Variants in SPAG16 observed in about 807,000 individuals in gnomAD.
SPAG16 encodes sperm associated antigen 16.
Under a neutral mutation model 80.4 loss-of-function variants are expected in SPAG16, and 86 were observed. The ratio of observed to expected loss-of-function variants is 1.07; its 90% confidence interval spans 0.90 to 1.28. The LOEUF (loss-of-function observed/expected upper bound fraction) is 1.28, where lower values mean the gene tolerates loss of function less well. Ranked by LOEUF, SPAG16 falls within the 50% of genes most tolerant of loss-of-function variation. The pLI is 0.00. For synonymous variants in SPAG16, 294 were observed against 265.9 expected, an observed-to-expected ratio of 1.11 and a Z score of -1.03; for missense variants, 870 against 765.3, an observed-to-expected ratio of 1.14 and a Z score of -1.61.
chr2:213,607,757 T>C (rs1482754230), intron 10 of SPAG16, among the ~76,000 whole-genome samples: 1 of 152,224 alleles, frequency 6.6e-6, no homozygotes, highest in Non-Finnish European at 1.5e-5. Context: ...ATTGGGATTC[T>C]ATCTAGGAGG....
intron 15 of SPAG16, among the ~76,000 whole-genome samples, chr2:214,182,900 A>T (rs1438270180): frequency 1.3e-5 from 2 of 151,924 alleles, no homozygotes; most frequent in Non-Finnish European, 2.9e-5. Flanking sequence ...ATTTTATTTT[A>T]TTACTGTGGC....
intron 11 of SPAG16, among the ~76,000 whole-genome samples, chr2:213,904,915 T>G (rs576792978): frequency 6.6e-6 from 1 of 152,230 alleles, no homozygotes; most frequent in African/African-American, 2.4e-5. Context: ...GGTTTTTAGG[T>G]CTTACTGTGA....
chr2:213,576,203 T>G (rs987347436), intron 10 of SPAG16, among the ~76,000 whole-genome samples: 2 of 152,182 alleles, frequency 1.3e-5, no homozygotes, highest in Admixed American at 1.3e-4. Context: ...TGCTTGTTTT[T>G]GTCAGGTTTG....
At chr2:214,293,086 G>A (rs1329747910) in intron 15 of SPAG16, among the ~76,000 whole-genome samples, 1 of 152,210 alleles carries the variant, frequency 6.6e-6, no homozygotes, top group Non-Finnish European at 1.5e-5. Flanking sequence ...GTAGAGCAAT[G>A]TATGCTGGCT....
intron 11 of SPAG16, among the ~76,000 whole-genome samples, chr2:213,882,687 C>G (rs1417027682): frequency 1.3e-5 from 2 of 152,094 alleles, no homozygotes; most frequent in Non-Finnish European, 2.9e-5. Context: ...TTTGTATCTT[C>G]TCTTTTTTTG....
intron 14 of SPAG16, among the ~76,000 whole-genome samples, chr2:214,129,839 CT>C (rs2054674016): frequency 6.6e-6 from 1 of 152,046 alleles, no homozygotes; most frequent in Non-Finnish European, 1.5e-5. Context: ...GAATGCATGA[CT>C]TATAAGGCTT....
chr2:213,574,201 A>T (rs1253955978), intron 10 of SPAG16, among the ~76,000 whole-genome samples: 1 of 152,130 alleles, frequency 6.6e-6, no homozygotes, highest in African/African-American at 2.4e-5. Context: ...AAAACTGTCT[A>T]ATCTTGTTTA....
chr2:214,245,776 T>A (rs1225763725), intron 15 of SPAG16, among the ~76,000 whole-genome samples: 1 of 152,198 alleles, frequency 6.6e-6, no homozygotes, highest in Non-Finnish European at 1.5e-5. Context: ...CTGTCAATAT[T>A]GTATTACATT....
intron 13 of SPAG16, among the ~76,000 whole-genome samples, chr2:214,059,186 C>CTATATATATATATATA (rs36006046): frequency 4.0e-4 from 46 of 114,370 alleles, no homozygotes; most frequent in African/African-American, 7.7e-4. Flanking sequence ...CTCTCTCTGT[C>CTATATATATATATATA]TATATATATA....
intron 6 of SPAG16, among the ~76,000 whole-genome samples, chr2:213,349,981 A>G (rs2065235504): frequency 6.6e-6 from 1 of 152,198 alleles, no homozygotes; most frequent in Non-Finnish European, 1.5e-5. Flanking sequence ...AAAGATTTTG[A>G]GGTCATTTTC....
At chr2:214,004,588 A>G (rs1006606565) in intron 12 of SPAG16, among the ~76,000 whole-genome samples, 3 of 152,026 alleles carry the variant, frequency 2.0e-5, no homozygotes, top group Non-Finnish European at 2.9e-5. Flanking sequence ...GGTGTGGGCT[A>G]GAGTAGTCGA....
intron 9 of SPAG16, among the ~76,000 whole-genome samples, chr2:213,409,440 T>C (rs2068840791): frequency 6.6e-6 from 1 of 152,170 alleles, no homozygotes; most frequent in Non-Finnish European, 1.5e-5. Flanking sequence ...AAACGTTAAT[T>C]GTAAAGAAAA....
chr2:213,962,791 T>G (rs1347412710), intron 12 of SPAG16, among the ~76,000 whole-genome samples: 4 of 152,228 alleles, frequency 2.6e-5, no homozygotes, highest in South Asian at 2.1e-4. Flanking sequence ...TCAGAGGTCA[T>G]GTCTTCCTAG....
At chr2:213,936,196 A>G (rs2078982077) in intron 12 of SPAG16, among the ~76,000 whole-genome samples, 1 of 152,148 alleles carries the variant, frequency 6.6e-6, no homozygotes. Flanking sequence ...TGGTAGCATG[A>G]CCCATGTGAC....
intron 15 of SPAG16, among the ~76,000 whole-genome samples, chr2:214,361,902 T>C (rs1391449022): frequency 6.6e-6 from 1 of 151,914 alleles, no homozygotes; most frequent in Non-Finnish European, 1.5e-5. Context: ...TAAATTGTTT[T>C]ATTGTTGATA....
chr2:213,511,802 G>A (rs1322254887), intron 10 of SPAG16, among the ~76,000 whole-genome samples: 1 of 151,956 alleles, frequency 6.6e-6, no homozygotes, highest in Non-Finnish European at 1.5e-5. Context: ...ACCCTTGATA[G>A]ATGTAAAGTC....
intron 10 of SPAG16, among the ~76,000 whole-genome samples, chr2:213,631,566 T>C (rs913119012): frequency 3.3e-5 from 5 of 152,104 alleles, no homozygotes; most frequent in African/African-American, 1.2e-4. Flanking sequence ...CATGATGGAG[T>C]TCTCATGAGA....
intron 13 of SPAG16, among the ~76,000 whole-genome samples, chr2:214,025,929 T>C (rs920508121): frequency 6.6e-6 from 1 of 151,544 alleles, no homozygotes; most frequent in Non-Finnish European, 1.5e-5. Context: ...TGTAAAAGAT[T>C]TACTAAGATG....
At chr2:213,408,692 T>A (rs10206711) in intron 9 of SPAG16, among the ~76,000 whole-genome samples, 33,094 of 152,074 alleles carry the variant, frequency 0.22, 4,431 homozygotes, top group Non-Finnish European at 0.31. Flanking sequence ...GACACAATGG[T>A]TATTCAGTAA....
Sources: allele counts gnomAD v4.1 joint callset (sites outside exome capture counted in the v4.1 genomes callset), GRCh38; gene constraint gnomAD v4.1.1; transcripts MANE v1.5; gene names NCBI Gene and HGNC (gene_info 2026-07-23, HGNC 2026-07-21).